The following TRERF1 variants were observed in gnomAD, a reference collection of about 807,000 sequenced individuals.
TRERF1 encodes the protein transcriptional regulating factor 1.
TRERF1 carries 27 observed loss-of-function variants against 122.9 expected under a neutral mutation model. The ratio of observed to expected loss-of-function variants is 0.22; its 90% CI spans 0.16 to 0.30. The LOEUF (loss-of-function observed/expected upper bound fraction) is 0.30, where lower values mean the gene tolerates loss of function less well. TRERF1 is among the 10% of genes least tolerant of loss of function. TRERF1 has a pLI of 1.00. For missense variants in TRERF1, 1,248 were observed against 1,560.3 expected (o/e 0.80, Z 3.37); for synonymous variants, 636 against 641.7 (o/e 0.99, Z 0.13).
intron 3 of TRERF1, among the ~76,000 whole-genome samples, chr6:42,316,204 C>A (rs553116131): frequency 6.6e-6 from 1 of 152,234 alleles, no homozygotes; most frequent in Non-Finnish European, 1.5e-5. Context: ...ACGCAGTTAA[C>A]CCCAAGCATG....
At chr6:42,291,340 G>A (rs929714380) in intron 4 of TRERF1, among the ~76,000 whole-genome samples, 10 of 151,744 alleles carry the variant, frequency 6.6e-5, no homozygotes, top group East Asian at 1.9e-4. Context: ...AGTCTATGCC[G>A]TAGTACAGGC....
chr6:42,243,564 C>T (rs1038427912), intron 14 of TRERF1, among the ~76,000 whole-genome samples: 1 of 152,070 alleles, frequency 6.6e-6, no homozygotes, highest in East Asian at 1.9e-4. Flanking sequence ...GCATTAATTT[C>T]TTTGGCTACC....
intron 3 of TRERF1, among the ~76,000 whole-genome samples, chr6:42,338,605 A>G (rs1245276812): frequency 1.3e-5 from 2 of 152,216 alleles, no homozygotes; most frequent in African/African-American, 4.8e-5. Flanking sequence ...AAACCAGATC[A>G]AAGGTAGACT....
intron 8 of TRERF1, among the ~76,000 whole-genome samples, chr6:42,262,443 A>G (rs1401828489): frequency 2.6e-5 from 1 of 38,926 alleles, no homozygotes; most frequent in African/African-American, 1.4e-4. Flanking sequence ...GCAGAGAGAG[A>G]GAGAGAGAGA....
At chr6:42,366,675 C>G (rs553557224) in intron 2 of TRERF1, among the ~76,000 whole-genome samples, 1 of 152,314 alleles carries the variant, frequency 6.6e-6, no homozygotes, top group South Asian at 2.1e-4. Context: ...CTCATGGTGA[C>G]TGGCAGAACA....
At chr6:42,385,138 G>A (rs960802110) in intron 2 of TRERF1, among the ~76,000 whole-genome samples, 5 of 151,952 alleles carry the variant, frequency 3.3e-5, no homozygotes, top group Admixed American at 6.6e-5. Flanking sequence ...CACCACGCCC[G>A]GCTAATTTTT....
intron 4 of TRERF1, among the ~76,000 whole-genome samples, chr6:42,288,994 T>A (rs72856394): frequency 7.1e-5 from 10 of 141,726 alleles, no homozygotes; most frequent in Non-Finnish European, 1.4e-4. Context: ...TGTGTGTGTG[T>A]CAAAGCACAT....
chr6:42,234,598 C>T (rs1169283871), intron 16 of TRERF1, among the ~76,000 whole-genome samples: 1 of 152,134 alleles, frequency 6.6e-6, no homozygotes, highest in African/African-American at 2.4e-5. Context: ...GCCTCAGCCT[C>T]CCAAAGTGCT....
At chr6:42,377,336 T>C (rs892616311) in intron 2 of TRERF1, among the ~76,000 whole-genome samples, 2 of 152,130 alleles carry the variant, frequency 1.3e-5, no homozygotes, top group Non-Finnish European at 2.9e-5. Context: ...GTCACTCTCT[T>C]TTCCTCTCTT....
Position 42,379,341 on chromosome 6 carries a change from C to T in TRERF1, c.-453-16262G>A, listed in dbSNP as rs114084355. Reference sequence around the variant, plus strand: ...GGCCAATGGAAAGCAATGGAGTCTCCACCACCCCAGCCCACTGTGTCCTTT... The same window carrying T: ...GGCCAATGGAAAGCAATGGAGTCTCTACCACCCCAGCCCACTGTGTCCTTT... On this transcript the variant is annotated intron_variant, in intron 2 of 17. Transcript: ENST00000372922. Among the ~76,000 whole-genome samples the T allele has an allele frequency of 4.6e-3, 707 of 152,100 alleles. 5 individuals carry two copies. The highest frequency in any genetic ancestry group is 0.016 in the African/African-American group (681 of 41,488).
Position 42,263,671 on chromosome 6 carries a change from A to G in TRERF1, c.1636-103T>C, listed in dbSNP as rs1778659638. 2 of 1,338,666 alleles carry G rather than the reference A, an allele frequency of 1.5e-6. No homozygotes were observed. Among genetic ancestry groups the G allele is most frequent in the Non-Finnish European group, 1.9e-6 (2 of 1,040,874 alleles). 82.9% of individuals were successfully genotyped at this position (1,338,666 alleles called of 1,614,324 possible). A position where few individuals can be genotyped will look rare whatever the true frequency, so the allele number is the denominator to read the frequency against. On this transcript the variant is annotated intron_variant, in intron 7 of 17. Transcript: ENST00000372922. The surrounding 1 kb of genome is among the most constrained non-coding windows in gnomAD (Gnocchi z 5.6). ...GGTTCCAGGACATCAGGTATGGGTGATAGAGAACCGCTGCAGGGCGATTTC... is the reference window on the plus strand; with the variant it reads ...GGTTCCAGGACATCAGGTATGGGTGGTAGAGAACCGCTGCAGGGCGATTTC...
At chr6:42,265,039 C>G (rs868727138) in intron 6 of TRERF1, among the ~76,000 whole-genome samples, 185 bp from the exon 7 acceptor site, 12 of 152,334 alleles carry the variant, frequency 7.9e-5, no homozygotes, top group Admixed American at 3.3e-4. Context: ...AGATGAAAAA[C>G]TGAGGCTCCA....
intron 4 of TRERF1, among the ~76,000 whole-genome samples, chr6:42,291,787 C>T (rs1253601758): frequency 6.6e-6 from 1 of 151,992 alleles, no homozygotes; most frequent in African/African-American, 2.4e-5. Flanking sequence ...CCTCATGATC[C>T]ACCCGCCTCG....
Position 42,228,343 on chromosome 6 carries a change from C to T in TRERF1, c.*2G>A. 1 of 1,607,792 alleles carries T rather than the reference C, an allele frequency of 6.2e-7. No homozygotes were observed. Among genetic ancestry groups the T allele is most frequent in the Non-Finnish European group, 8.5e-7 (1 of 1,176,170 alleles). On this transcript the variant is annotated 3_prime_UTR_variant, in exon 18 of 18. Transcript: ENST00000372922. This position sits in a 1 kb window ranked among gnomAD's most constrained non-coding sequence, Gnocchi z 4.2. The stretch of plus-strand genomic sequence containing the variant: ...CACTGTCTCTAAGTGACACACAGGG[C>T]TTTATAGTTCTGCGTCACCCTGAAG...
intron 3 of TRERF1, among the ~76,000 whole-genome samples, chr6:42,301,994 G>A (rs1156863077): frequency 6.6e-6 from 1 of 152,204 alleles, no homozygotes; most frequent in Non-Finnish European, 1.5e-5. Context: ...GAGATAGGTG[G>A]TGGCACCCAC....
rs534220721 is a variant in TRERF1, at chr6:42,268,338, G to A, written c.1253C>T (p.Ala418Val). The change falls in exon 5 of 18, where the codon GCC becomes GTC. Residue 418 changes from alanine (A) to valine (V), a missense_variant. Transcript: ENST00000372922. The surrounding 1 kb of genome is among the most constrained non-coding windows in gnomAD (Gnocchi z 4.4). ...CAGGTCCCCATGGGAGCTCAGCATGGCCTGGGCCTGTCTGTCACTAGAGTA... is the reference window on the plus strand; with the variant it reads ...CAGGTCCCCATGGGAGCTCAGCATGACCTGGGCCTGTCTGTCACTAGAGTA... 2.0e-6 allele frequency: 3 copies of A among 1,521,304 alleles called. No individual in the cohort carries two copies. The highest frequency in any genetic ancestry group is 2.7e-5 in the South Asian group (2 of 75,324). The allele number at this position is 1,521,304 out of a possible 1,614,324, so 94.2% of individuals were successfully genotyped here.
At chr6:42,359,404 A>AT (rs1438796554) in intron 3 of TRERF1, among the ~76,000 whole-genome samples, 5 of 152,158 alleles carry the variant, frequency 3.3e-5, no homozygotes, top group Non-Finnish European at 7.3e-5. Flanking sequence ...GGGGTCACTC[A>AT]TCCCTCCAGA....
At chr6:42,415,618 A>G (rs1323621126) in intron 2 of TRERF1, among the ~76,000 whole-genome samples, 11 of 152,148 alleles carry the variant, frequency 7.2e-5, no homozygotes, top group Non-Finnish European at 1.5e-4. Flanking sequence ...TGAAGATCCT[A>G]TATTTTTCCA....
At chr6:42,281,448 T>C (rs1324098024) in intron 4 of TRERF1, among the ~76,000 whole-genome samples, 2 of 152,146 alleles carry the variant, frequency 1.3e-5, no homozygotes, top group Non-Finnish European at 2.9e-5. Context: ...TTGTGTTTAA[T>C]AGCTCTGTTT....
Sources: gnomAD v4.1 joint callset for allele counts (sites outside exome capture counted in the v4.1 genomes callset) on GRCh38, gnomAD v4.1.1 for gene constraint, Gnocchi (gnomAD v3.1) non-coding constraint, MANE v1.5 for transcripts, NCBI Gene and HGNC (gene_info 2026-07-23, HGNC 2026-07-21) for gene names.